THBS4: variants seen among roughly 807,000 people sequenced by gnomAD.
The protein encoded by THBS4 is thrombospondin 4.
A neutral mutation model predicts 115.7 loss-of-function variants in THBS4; 90 were observed. The ratio of observed to expected loss-of-function variants is 0.78; its 90% CI spans 0.66 to 0.93. The LOEUF is 0.93. Ranked by LOEUF, THBS4 falls within the 40% of genes least tolerant of loss-of-function variation. The pLI is 0.00. For missense variants in THBS4, 1,087 were observed against 1,232.7 expected, an observed-to-expected ratio of 0.88 and a Z score of 1.77; for synonymous variants, 460 against 479.3, an observed-to-expected ratio of 0.96 and a Z score of 0.53.
chr5:80,048,306 C>T (rs72772300), intron 2 of THBS4, among the ~76,000 whole-genome samples: 2,327 of 152,198 alleles, frequency 0.015, 31 homozygotes, highest in Non-Finnish European at 0.025. Context: ...AAATGGACTT[C>T]TCTGCAAAGT....
In THBS4 at chr5:80,077,028, C is replaced by T. The variant is rs771129393; in HGVS notation, c.2066C>T (p.Pro689Leu). Residue 689 changes from proline (P) to leucine (L), a missense_variant, in exon 16 of 22, where the codon CCA (proline) becomes CTA (leucine). Coordinates refer to ENST00000350881, the MANE Select transcript of THBS4 (RefSeq NM_003248.6). ...GACAACTGCCGGCTGGTCCCCAACCCAGCCCAGGAGGATAGCAACAGTAAG... is the reference window on the plus strand; with the variant it reads ...GACAACTGCCGGCTGGTCCCCAACCTAGCCCAGGAGGATAGCAACAGTAAG... The part of the protein sequence containing the change: ...GPDNCRLVPN[P>L]AQEDSNSDGV... The T allele has an allele frequency of 6.2e-7, 1 of 1,608,246 alleles. No homozygotes were observed.
At position 80,059,790 on chromosome 5, in the gene THBS4, A is replaced by T; in HGVS notation, c.872A>T (p.Asp291Val). Residue 291 changes from aspartate (D) to valine (V), a missense_variant, in exon 7 of 22, where the codon GAC becomes GTC. By Grantham distance (152) the Asp-to-Val change is radical. Coordinates refer to ENST00000350881, the MANE Select transcript of THBS4 (RefSeq NM_003248.6). ...CCAACACGCCCACCTCGTCGGTGTG[A>T]CTCCAACCCATGTTTCCGAGGTGTC... ...APPTRPPRRC[D>V]SNPCFRGVQC... 1 of 1,613,980 alleles carries T rather than the reference A, an allele frequency of 6.2e-7. No individual in the cohort carries two copies. Among genetic ancestry groups the T allele is most frequent in the Non-Finnish European group, 8.5e-7 (1 of 1,179,994 alleles).
At chr5:79,993,893 A>G (rs957309155) in intron 1 of THBS4, among the ~76,000 whole-genome samples, 15 of 152,220 alleles carry the variant, frequency 9.9e-5, no homozygotes, top group Non-Finnish European at 1.8e-4. Context: ...TTGAACTTGA[A>G]GATTCTGTAA....
chr5:79,993,435 A>C (rs954120440), intron 1 of THBS4, among the ~76,000 whole-genome samples: 4 of 152,182 alleles, frequency 2.6e-5, no homozygotes, highest in African/African-American at 9.7e-5. Context: ...TGGTATGGTT[A>C]GTTGGCTCCT....
Position 80,058,299 on chromosome 5 carries a change from G to T in THBS4, c.634G>T (p.Ala212Ser). Residue 212 changes from alanine (A) to serine (S), a missense_variant, in exon 4 of 22, where the codon GCT becomes TCT. By Grantham distance (99) the Ala-to-Ser change is moderately conservative (BLOSUM62 1). Transcript: ENST00000350881. Reference sequence around the variant, plus strand: ...CTTCCTGCAGCAGAGTGAGCCACTGGCTGCCACAGGCACAGGTGTGGGCTC... The same window carrying T: ...CTTCCTGCAGCAGAGTGAGCCACTGTCTGCCACAGGCACAGGTGTGGGCTC... ...DCFLQQSEPLAATGTGDFNRQ... is the reference protein window; with the variant it reads ...DCFLQQSEPLSATGTGDFNRQ... 1 of 1,562,038 alleles carries T rather than the reference G, an allele frequency of 6.4e-7. No homozygotes were observed.
At chr5:80,019,391 T>C (rs1183561386) in intron 2 of THBS4, among the ~76,000 whole-genome samples, 3 of 152,204 alleles carry the variant, frequency 2.0e-5, no homozygotes, top group Admixed American at 1.3e-4. Flanking sequence ...TTTTAAGTCA[T>C]AAAAGATATT....
At chr5:80,044,886 T>C (rs547681012) in intron 2 of THBS4, among the ~76,000 whole-genome samples, 36 of 152,272 alleles carry the variant, frequency 2.4e-4, no homozygotes, top group African/African-American at 8.4e-4. Context: ...ACCACCTGGC[T>C]GGATAGAAGA....
At chr5:80,069,220 T>C (rs1385299964) in intron 10 of THBS4, among the ~76,000 whole-genome samples, 1 of 152,240 alleles carries the variant, frequency 6.6e-6, no homozygotes, top group African/African-American at 2.4e-5. Flanking sequence ...TTTATCTTTA[T>C]GCATACACAA....
chr5:80,040,342 G>T (rs1832858778), intron 2 of THBS4, 62 bp downstream of exon 2: 5 of 1,286,666 alleles, frequency 3.9e-6, no homozygotes, highest in African/African-American at 1.5e-5. Flanking sequence ...AGGATTAGGG[G>T]TATACTGTCT....
intron 2 of THBS4, among the ~76,000 whole-genome samples, chr5:80,051,039 C>G (rs1410032112): frequency 6.6e-6 from 1 of 152,136 alleles, no homozygotes; most frequent in Admixed American, 6.5e-5. Context: ...CTTCCTCCTG[C>G]TGTAGTGTTT....
At chr5:80,008,107 A>G (rs1388730317) in intron 2 of THBS4, among the ~76,000 whole-genome samples, 1 of 152,234 alleles carries the variant, frequency 6.6e-6, no homozygotes, top group Non-Finnish European at 1.5e-5. Flanking sequence ...ATAATTTTCA[A>G]AGAAGAAACT....
At chr5:80,021,951 A>C (rs1832386924) in intron 2 of THBS4, among the ~76,000 whole-genome samples, 1 of 152,138 alleles carries the variant, frequency 6.6e-6, no homozygotes, top group Non-Finnish European at 1.5e-5. Flanking sequence ...TCCACAGCCA[A>C]AATCGGGAGA....
intron 2 of THBS4, among the ~76,000 whole-genome samples, chr5:80,007,597 T>C (rs1832043864): frequency 6.6e-6 from 1 of 152,226 alleles, no homozygotes; most frequent in Admixed American, 6.5e-5. Context: ...ACTCAAGTTC[T>C]ACCTCAAGGC....
intron 2 of THBS4, among the ~76,000 whole-genome samples, chr5:80,011,766 G>A (rs1234988230): frequency 6.6e-6 from 1 of 151,892 alleles, no homozygotes; most frequent in African/African-American, 2.4e-5. Flanking sequence ...GAAACCCCAA[G>A]TCACAAGGAC....
intron 1 of THBS4, among the ~76,000 whole-genome samples, chr5:80,037,957 C>G (rs929098348): frequency 1.3e-5 from 2 of 152,144 alleles, no homozygotes; most frequent in African/African-American, 4.8e-5. Context: ...TCCAACACAT[C>G]TCATGTTAAT....
At chr5:80,003,987 A>G (rs1457612455) in intron 2 of THBS4, among the ~76,000 whole-genome samples, 1 of 152,194 alleles carries the variant, frequency 6.6e-6, no homozygotes, top group East Asian at 1.9e-4. Context: ...GGTCATTCAT[A>G]CTTGGGATGT....
chr5:80,078,825 T>G, intron 17 of THBS4, 96 bp from the exon 18 acceptor site: 1 of 1,114,054 alleles, frequency 9.0e-7, no homozygotes, highest in Non-Finnish European at 1.3e-6. Flanking sequence ...CAGACATCAC[T>G]GGCCACTCAC....
chr5:80,039,665 C>T (rs1490341876), intron 1 of THBS4, among the ~76,000 whole-genome samples: 1 of 152,194 alleles, frequency 6.6e-6, no homozygotes, highest in East Asian at 1.9e-4. Context: ...CTGGAGGTGC[C>T]TATGGGACTC....
chr5:80,037,489 G>A (rs1315735345), intron 1 of THBS4, among the ~76,000 whole-genome samples: 1 of 152,136 alleles, frequency 6.6e-6, no homozygotes, highest in South Asian at 2.1e-4. Flanking sequence ...GTTGTGCTTT[G>A]ATCCTGGCAC....
Sources: allele counts gnomAD v4.1 joint callset (sites outside exome capture counted in the v4.1 genomes callset), GRCh38; gene constraint gnomAD v4.1.1; transcripts MANE v1.5; gene names NCBI Gene and HGNC (gene_info 2026-07-23, HGNC 2026-07-21).